Variants in DKC1 observed in about 807,000 individuals in gnomAD.
DKC1 encodes H/ACA ribonucleoprotein complex subunit DKC1.
DKC1 carries 4 observed loss-of-function variants against 46.7 expected under a neutral mutation model. The ratio of observed to expected loss-of-function variants is 0.09; its 90% CI spans 0.04 to 0.20. The LOEUF is 0.20. Among genes scored for constraint, DKC1 ranks in the 10% least tolerant of loss-of-function variants. The pLI, the probability that DKC1 is intolerant of heterozygous loss-of-function variation, is 1.00. For missense variants in DKC1, 171 were observed against 404.2 expected (o/e 0.42, Z 4.95); for synonymous variants, 141 against 142.4 (o/e 0.99, Z 0.07).
At chrX:154,769,857 C>A (rs190122831) in intron 9 of DKC1, among the ~76,000 whole-genome samples, 1 of 111,868 alleles carries the variant, frequency 8.9e-6, no homozygotes, top group East Asian at 2.8e-4. Context: ...CTCTCCTTAT[C>A]AAACCATTGG....
rs781813406 is a variant in DKC1 at position 154,766,297 on chromosome X, G to A, written c.345G>A (p.Val115=). 2 of 1,209,370 alleles carry A rather than the reference G, an allele frequency of 1.7e-6. No individual in the cohort carries two copies. The part of the protein sequence containing the change: ...VVAWIRRILR[V]EKTGHSGTLD... ...CCTGGATTCGACGGATACTTCGGGT[G>A]GAGAAGACAGGGCACAGTGGTACGC... is the stretch of plus-strand genomic sequence containing the variant. The change falls in exon 5 of 15, where the codon GTG becomes GTA. Residue 115 remains valine, a synonymous_variant. Transcript: ENST00000369550.
chrX:154,768,287 G>A lies in DKC1; in HGVS notation c.641-15G>A. 2 of 1,211,279 alleles carry A rather than the reference G, an allele frequency of 1.7e-6. No homozygotes were observed. Among genetic ancestry groups the A allele is most frequent in the African/African-American group, 1.7e-5 (1 of 57,725 alleles). ...ACAGTAGGTGCTGCTTTTCTTTTGT[G>A]TGTGTGTATCTTAGGAATCTTTTGG... On this transcript the variant is annotated splice_polypyrimidine_tract_variant and intron_variant, in intron 7 of 14. Coordinates refer to ENST00000369550, the MANE Select transcript of DKC1 (RefSeq NM_001363.5).
At position 154,770,834 on chromosome X, in the gene DKC1, C is replaced by G; in HGVS notation, c.991C>G (p.Gln331Glu). 8.3e-7 allele frequency: 1 copy of G among 1,211,300 alleles called. No individual in the cohort carries two copies. The highest frequency in any genetic ancestry group is 1.1e-6 in the Non-Finnish European group (1 of 894,982). The change falls in exon 10 of 15, where the codon CAG becomes GAG. Residue 331 changes from glutamine to glutamate, a missense_variant. Transcript: ENST00000369550. Reference sequence around the variant, plus strand: ...ATATGAGGACGGCATTGAGGTCAATCAGGAGATTGTGGTTATCACCACCAA... The same window carrying G: ...ATATGAGGACGGCATTGAGGTCAATGAGGAGATTGTGGTTATCACCACCAA... ...LRYEDGIEVNQEIVVITTKGE... is the reference protein window; with the variant it reads ...LRYEDGIEVNEEIVVITTKGE...
At position 154,764,901 on chromosome X, in the gene DKC1, A is replaced by G; in HGVS notation, c.19A>G (p.Ile7Val). 1 of 1,200,111 alleles carries G rather than the reference A, an allele frequency of 8.3e-7. No individual in the cohort carries two copies. Among genetic ancestry groups the G allele is most frequent in the Non-Finnish European group, 1.1e-6 (1 of 884,901 alleles). Residue 7 changes from isoleucine to valine, a missense_variant and splice_region_variant, in exon 2 of 15, where the codon ATT (isoleucine) becomes GTT (valine). Ile to Val is a conservative substitution (Grantham distance 29). Coordinates refer to ENST00000369550, the MANE Select transcript of DKC1 (RefSeq NM_001363.5). MADAEVIILPKKHKKKK... is the reference protein window; with the variant it reads MADAEVVILPKKHKKKK... ...AAATCCTGTGTTTGTTTTTTTAGTA[A>G]TTATTTTGCCAAAGAAACATAAGAA...
At chrX:154,774,272 C>T (rs1454783222) in intron 11 of DKC1, among the ~76,000 whole-genome samples, 4 of 111,425 alleles carry the variant, frequency 3.6e-5, no homozygotes, top group East Asian at 2.8e-4. Flanking sequence ...TAAGCCACAC[C>T]GGTGTGAAGA....
intron 13 of DKC1, among the ~76,000 whole-genome samples, chrX:154,775,813 G>A (rs1200391093): frequency 4.5e-5 from 5 of 112,200 alleles, no homozygotes; most frequent in Admixed American, 1.9e-4. Flanking sequence ...AACCGGGGGC[G>A]GTACTGAGTA....
chrX:154,773,610 G>C (rs1373268648), intron 11 of DKC1, among the ~76,000 whole-genome samples: 1 of 109,649 alleles, frequency 9.1e-6, no homozygotes, highest in Admixed American at 9.5e-5. Flanking sequence ...GAGAGCACAG[G>C]GTTGGGGGTA....
At position 154,764,779 on chromosome X, in the gene DKC1, G is replaced by A. The variant is rs201250553; in HGVS notation, c.17-120G>A. 109 of 537,475 alleles carry A rather than the reference G, an allele frequency of 2.0e-4. 1 individual carries two copies. In the East Asian group the frequency reaches 3.5e-3, roughly 17 times the overall value. 44.3% of individuals were successfully genotyped at this position (537,475 alleles called of 1,213,427 possible). On this transcript the variant is annotated intron_variant, in intron 1 of 14. Transcript: ENST00000369550. ...GTACTTGCAAAACATTATGTGGCAT[G>A]TGACTGTAATTGTAGACCTAAAATC...
At chrX:154,775,337 A>G in intron 13 of DKC1, 64 bp downstream of exon 13, 1 of 1,058,330 alleles carries the variant, frequency 9.4e-7, no homozygotes, top group Non-Finnish European at 1.3e-6. Flanking sequence ...AGGCACTGGC[A>G]TTCGTCTTAC....
chrX:154,764,593 T>G (rs2071723075), intron 1 of DKC1, among the ~76,000 whole-genome samples: 1 of 111,671 alleles, frequency 9.0e-6, no homozygotes, highest in Admixed American at 9.5e-5. Context: ...AATTTTTTAA[T>G]TTTTTTCTTA....
At chrX:154,773,333 TGGG>T in intron 11 of DKC1, 84 bp downstream of exon 11, 4 of 486,679 alleles carry the variant, frequency 8.2e-6, no homozygotes, top group Non-Finnish European at 3.3e-6. Flanking sequence ...TGATAATTCT[TGGG>T]TGTTTCTCAC....
chrX:154,775,302 A>T, intron 13 of DKC1, 29 bp downstream of exon 13: 1 of 1,183,535 alleles, frequency 8.4e-7, no homozygotes, highest in Middle Eastern at 3.0e-4. Context: ...TCAGTTTGGA[A>T]TGTGCTTAGG....
chrX:154,765,611 T>C lies in DKC1; in HGVS notation c.171+81T>C, dbSNP rs186389886. 7.6e-6 allele frequency: 6 copies of C among 791,600 alleles called. No homozygotes were observed. In the East Asian group the frequency reaches 1.3e-4, roughly 17 times the overall value. The allele number at this position is 791,600 out of a possible 1,213,427, so 65.2% of individuals were successfully genotyped here. ...TGTTAAACAATTGATTGAGAATGCTTACTGCTGGCATCCTTGACTTTGGGA... is the reference window on the plus strand; with the variant it reads ...TGTTAAACAATTGATTGAGAATGCTCACTGCTGGCATCCTTGACTTTGGGA... On this transcript the variant is annotated intron_variant, in intron 3 of 14. Coordinates refer to ENST00000369550, the MANE Select transcript of DKC1 (RefSeq NM_001363.5).
rs1569558417 is a variant in DKC1 at position 154,762,907 on chromosome X, G to T, written c.-59G>T. 5.2e-6 allele frequency: 6 copies of T among 1,161,940 alleles called. No individual in the cohort carries two copies. In the East Asian group the frequency reaches 1.9e-4, roughly 38 times the overall value. ...CGGCCTGACGGGACCAAGGCGGCGGGAGTCTGCGGTCGTTCCCTCGGCTGT... is the reference window on the plus strand; with the variant it reads ...CGGCCTGACGGGACCAAGGCGGCGGTAGTCTGCGGTCGTTCCCTCGGCTGT... On this transcript the variant is annotated 5_prime_UTR_variant, in exon 1 of 15. Transcript: ENST00000369550.
intron 9 of DKC1, among the ~76,000 whole-genome samples, chrX:154,769,945 G>A (rs1171330692): frequency 9.0e-6 from 1 of 111,125 alleles, no homozygotes; most frequent in East Asian, 2.8e-4. Flanking sequence ...GAGGCAGATG[G>A]GTGCATTGGG....
At chrX:154,774,763 A>C in intron 12 of DKC1, 58 bp downstream of exon 12, 2 of 982,509 alleles carry the variant, frequency 2.0e-6, no homozygotes, top group Non-Finnish European at 2.9e-6. Context: ...TGCTGCCTTG[A>C]TGCAGGAGTA....
rs1285291916 is a variant in DKC1 at position 154,773,615 on chromosome X, G to A, written c.1155+366G>A. On this transcript the variant is annotated intron_variant, in intron 11 of 14. Coordinates refer to ENST00000369550, the MANE Select transcript of DKC1 (RefSeq NM_001363.5). The stretch of plus-strand genomic sequence containing the variant: ...ACATGTTTCAGAGAGCACAGGGTTG[G>A]GGGTAAGGTCACAGATCAACAGGAT... 4.6e-5 allele frequency among the ~76,000 whole-genome samples: 5 copies of A among 109,788 alleles called. No individual in the cohort carries two copies. In the Admixed American group the frequency reaches 4.8e-4, roughly 10 times the overall value.
Position 154,775,361 on chromosome X carries a change from G to A in DKC1, c.1338+88G>A, listed in dbSNP as rs1006977713. 54 of 897,925 alleles carry A rather than the reference G, an allele frequency of 6.0e-5. No individual in the cohort carries two copies. The East Asian group carries it at 1.1e-3, about 18-fold the overall frequency. 74.0% of individuals were successfully genotyped at this position (897,925 alleles called of 1,213,427 possible). A position where few individuals can be genotyped will look rare whatever the true frequency, so the allele number is the denominator to read the frequency against. On this transcript the variant is annotated intron_variant, in intron 13 of 14. Coordinates refer to ENST00000369550, the MANE Select transcript of DKC1 (RefSeq NM_001363.5). ...CATTCGTCTTACTTTGTGACTGTCCGCAGTCCAGCCATATACGCTAGCATC... is the reference window on the plus strand; with the variant it reads ...CATTCGTCTTACTTTGTGACTGTCCACAGTCCAGCCATATACGCTAGCATC...
Position 154,769,205 on chromosome X carries a change from G to A in DKC1, c.810G>A (p.Gln270=), listed in dbSNP as rs782768627. Residue 270 remains glutamine, a synonymous_variant, in exon 9 of 15, where the codon CAG becomes CAA. Transcript: ENST00000369550. ...MVTMHDVLDA[Q]WLYDNHKDES... Reference sequence around the variant, plus strand: ...CAATGCATGATGTGCTTGATGCTCAGTGGCTGTATGATAACCACAAGGATG... The same window carrying A: ...CAATGCATGATGTGCTTGATGCTCAATGGCTGTATGATAACCACAAGGATG... 1 of 1,210,880 alleles carries A rather than the reference G, an allele frequency of 8.3e-7. No individual in the cohort carries two copies. Among genetic ancestry groups the A allele is most frequent in the Admixed American group, 2.2e-5 (1 of 45,947 alleles).
Sources: allele counts gnomAD v4.1 joint callset (sites outside exome capture counted in the v4.1 genomes callset), GRCh38; gene constraint gnomAD v4.1.1; transcripts MANE v1.5; gene names NCBI Gene and HGNC (gene_info 2026-07-23, HGNC 2026-07-21).